TTC28: variants seen among roughly 807,000 people sequenced by gnomAD.
The protein encoded by TTC28 is tetratricopeptide repeat domain 28.
Under a neutral mutation model 198.0 loss-of-function variants are expected in TTC28, and 61 were observed. The ratio of observed to expected loss-of-function variants is 0.31; its 90% CI spans 0.25 to 0.38. TTC28 has a LOEUF of 0.38. TTC28 is among the 10% of genes least tolerant of loss of function. The pLI, the probability that TTC28 is intolerant of heterozygous loss-of-function variation, is 1.00. For missense variants in TTC28, 2,678 were observed against 3,164.0 expected (o/e 0.85, Z 3.69); for synonymous variants, 1,171 against 1,297.8 (o/e 0.90, Z 2.10).
intron 12 of TTC28, among the ~76,000 whole-genome samples, chr22:28,037,809 C>A (rs1939429885): frequency 6.6e-6 from 1 of 152,218 alleles, no homozygotes. Flanking sequence ...TGATAAGCAA[C>A]TTCAGGAAAG....
chr22:28,562,238 A>T (rs1177350713), intron 2 of TTC28, among the ~76,000 whole-genome samples: 4 of 152,252 alleles, frequency 2.6e-5, no homozygotes, highest in Admixed American at 6.5e-5. Context: ...CTTTCAGGCT[A>T]ACGAAAAATG....
chr22:28,376,348 C>G (rs2046408760), intron 2 of TTC28, among the ~76,000 whole-genome samples: 1 of 152,136 alleles, frequency 6.6e-6, no homozygotes, highest in African/African-American at 2.4e-5. Flanking sequence ...AGGAACTATA[C>G]TAAGTGCTTT....
intron 2 of TTC28, among the ~76,000 whole-genome samples, chr22:28,527,157 A>G (rs1043242668): frequency 6.6e-6 from 1 of 152,164 alleles, no homozygotes; most frequent in Non-Finnish European, 1.5e-5. Context: ...CATATAGTCT[A>G]TCAGCAAATT....
At chr22:28,269,903 C>T (rs1931940420) in intron 5 of TTC28, among the ~76,000 whole-genome samples, 1 of 152,138 alleles carries the variant, frequency 6.6e-6, no homozygotes, top group Admixed American at 6.5e-5. Context: ...CAAGATAGAA[C>T]ACAAGCAGCA....
rs542238473 is a variant in TTC28 at position 28,336,031 on chromosome 22, G to T, written c.382-29388C>A. On this transcript the variant is annotated intron_variant, in intron 2 of 22. Transcript: ENST00000397906. ...ACGTGCCATCAATACCTAATTTATTGAGAGTTTTTAGCACGAAGGGCTGTT... is the reference window on the plus strand; with the variant it reads ...ACGTGCCATCAATACCTAATTTATTTAGAGTTTTTAGCACGAAGGGCTGTT... Among the ~76,000 whole-genome samples, 4 of 152,306 alleles carry T rather than the reference G, an allele frequency of 2.6e-5. No individual in the cohort carries two copies. The South Asian group carries it at 8.3e-4, about 32-fold the overall frequency.
At chr22:28,645,626 C>CAAA (rs555638293) in intron 1 of TTC28, among the ~76,000 whole-genome samples, 2 of 76,148 alleles carry the variant, frequency 2.6e-5, no homozygotes, top group Admixed American at 1.5e-4. Context: ...GACTACATCT[C>CAAA]AAAAAAAAAA....
intron 6 of TTC28, among the ~76,000 whole-genome samples, chr22:28,128,792 A>C (rs1334067454): frequency 1.3e-5 from 2 of 152,068 alleles, no homozygotes; most frequent in East Asian, 3.9e-4. Flanking sequence ...TGCCCATCTC[A>C]GCCTCCCAAA....
chr22:28,142,866 G>C (rs918461793), intron 6 of TTC28, among the ~76,000 whole-genome samples: 3 of 152,152 alleles, frequency 2.0e-5, no homozygotes, highest in Non-Finnish European at 4.4e-5. Context: ...AGAGTCCCCA[G>C]AATAAAATTA....
chr22:27,982,098 C>T lies in TTC28; in HGVS notation c.*123G>A. 1 of 1,058,160 alleles carries T rather than the reference C, an allele frequency of 9.5e-7. No individual in the cohort carries two copies. The highest frequency in any genetic ancestry group is 3.2e-5 in the Admixed American group (1 of 30,900). The allele number at this position is 1,058,160 out of a possible 1,614,324, so 65.5% of individuals were successfully genotyped here. A position where few individuals can be genotyped will look rare whatever the true frequency, so the allele number is the denominator to read the frequency against. On this transcript the variant is annotated 3_prime_UTR_variant, in exon 23 of 23. Transcript: ENST00000397906. This position sits in a 1 kb window ranked among gnomAD's most constrained non-coding sequence, Gnocchi z 5.2. ...CTTTGGACGTGGTGGTGCCCCTCGC[C>T]TGCAGAGCACAGCATCATGAGGGTG...
At chr22:28,174,753 A>C (rs986814241) in intron 5 of TTC28, among the ~76,000 whole-genome samples, 2 of 152,200 alleles carry the variant, frequency 1.3e-5, no homozygotes, top group African/African-American at 4.8e-5. Flanking sequence ...CCCTTTACTT[A>C]GGACATTTTG....
chr22:28,359,562 T>A (rs1025581575), intron 2 of TTC28, among the ~76,000 whole-genome samples: 1 of 152,140 alleles, frequency 6.6e-6, no homozygotes, highest in Non-Finnish European at 1.5e-5. Flanking sequence ...TCTAACACAT[T>A]TGGAGGAAAA....
chr22:28,163,911 C>T (rs1299294980), intron 5 of TTC28, among the ~76,000 whole-genome samples: 4 of 152,198 alleles, frequency 2.6e-5, no homozygotes, highest in African/African-American at 9.7e-5. Flanking sequence ...AAAGGGGTGA[C>T]AGACGGCACC....
intron 2 of TTC28, among the ~76,000 whole-genome samples, chr22:28,441,734 GAA>G (rs1279702658): frequency 2.0e-5 from 3 of 152,090 alleles, no homozygotes; most frequent in East Asian, 1.9e-4. Context: ...GTGCCACAAA[GAA>G]AAGAGTCAGT....
chr22:28,342,192 T>C (rs955346352), intron 2 of TTC28, among the ~76,000 whole-genome samples: 1 of 152,206 alleles, frequency 6.6e-6, no homozygotes, highest in Non-Finnish European at 1.5e-5. Flanking sequence ...CATTAACATG[T>C]TTCTGTAATG....
chr22:28,426,835 A>G (rs1319654128), intron 2 of TTC28, among the ~76,000 whole-genome samples: 3 of 152,150 alleles, frequency 2.0e-5, no homozygotes, highest in Non-Finnish European at 4.4e-5. Flanking sequence ...AAAAATCCAT[A>G]CTTTCATTCA....
intron 5 of TTC28, among the ~76,000 whole-genome samples, chr22:28,250,600 G>A (rs1030241175): frequency 1.1e-4 from 16 of 152,042 alleles, no homozygotes; most frequent in African/African-American, 3.9e-4. Flanking sequence ...TCCCTTCTAA[G>A]TCATCTCTAG....
chr22:28,429,756 T>C (rs1050675098), intron 2 of TTC28, among the ~76,000 whole-genome samples: 7 of 152,178 alleles, frequency 4.6e-5, no homozygotes, highest in Non-Finnish European at 8.8e-5. Flanking sequence ...AATTAAAAAG[T>C]AGACAGAATT....
intron 2 of TTC28, among the ~76,000 whole-genome samples, chr22:28,428,524 T>C (rs2047383222): frequency 6.6e-6 from 1 of 152,208 alleles, no homozygotes; most frequent in African/African-American, 2.4e-5. Flanking sequence ...TTCTGACTTC[T>C]TGTCTAGACT....
chr22:28,206,536 A>G (rs1179845575), intron 5 of TTC28, among the ~76,000 whole-genome samples: 1 of 152,186 alleles, frequency 6.6e-6, no homozygotes, highest in African/African-American at 2.4e-5. Context: ...TAGGCTATAA[A>G]GGAAAGGTTA....
Sources: gnomAD v4.1 joint callset for allele counts (sites outside exome capture counted in the v4.1 genomes callset) on GRCh38, gnomAD v4.1.1 for gene constraint, Gnocchi (gnomAD v3.1) non-coding constraint, MANE v1.5 for transcripts, NCBI Gene and HGNC (gene_info 2026-07-23, HGNC 2026-07-21) for gene names.